The following ADCY8 variants were observed in gnomAD, a reference collection of about 807,000 sequenced individuals.
The protein encoded by ADCY8 is adenylate cyclase type 8.
A neutral mutation model predicts 119.7 loss-of-function variants in ADCY8; 51 were observed. The ratio of observed to expected loss-of-function variants is 0.43; its 90% CI spans 0.34 to 0.54. The LOEUF is 0.54. Among genes scored for constraint, ADCY8 ranks in the 20% least tolerant of loss-of-function variants. ADCY8 has a pLI of 0.03. For missense variants in ADCY8, 1,383 were observed against 1,598.8 expected (o/e 0.87, Z 2.30); for synonymous variants, 665 against 651.0 (o/e 1.02, Z -0.33).
At chr8:130,988,639 A>G (rs1017799466) in intron 2 of ADCY8, among the ~76,000 whole-genome samples, 4 of 152,182 alleles carry the variant, frequency 2.6e-5, no homozygotes, top group Admixed American at 2.6e-4. Flanking sequence ...TCTTTTCACT[A>G]AATTCTAGTT....
At chr8:130,999,624 T>C (rs568420471) in intron 1 of ADCY8, among the ~76,000 whole-genome samples, 1 of 152,282 alleles carries the variant, frequency 6.6e-6, no homozygotes, top group South Asian at 2.1e-4. Flanking sequence ...CATAGCACAC[T>C]TTGTACAAGG....
intron 8 of ADCY8, among the ~76,000 whole-genome samples, chr8:130,870,018 C>CCT (rs1554610130): frequency 2.2e-4 from 25 of 115,870 alleles, no homozygotes; most frequent in South Asian, 1.5e-3. Flanking sequence ...CTTTCTTCTT[C>CCT]TTTTTTTTTT....
At chr8:130,849,368 C>T (rs1487520541) in intron 10 of ADCY8, among the ~76,000 whole-genome samples, 1 of 152,120 alleles carries the variant, frequency 6.6e-6, no homozygotes, top group African/African-American at 2.4e-5. Context: ...GCTTTTGGAA[C>T]TCCTTTGGAG....
At chr8:130,822,585 TCCATCCATC>T (rs1327906034) in intron 12 of ADCY8, among the ~76,000 whole-genome samples, 4 of 151,424 alleles carry the variant, frequency 2.6e-5, no homozygotes, top group Non-Finnish European at 4.4e-5. Context: ...CATCCATCCA[TCCATCCATC>T]CTTCCAGCCA....
chr8:130,898,305 G>A (rs372282196), intron 7 of ADCY8, among the ~76,000 whole-genome samples: 4 of 132,680 alleles, frequency 3.0e-5, no homozygotes, highest in Admixed American at 7.4e-5. Context: ...CACCACTCCC[G>A]ACATGCTACC....
chr8:131,021,806 C>T (rs1263748187), intron 1 of ADCY8, among the ~76,000 whole-genome samples: 1 of 152,198 alleles, frequency 6.6e-6, no homozygotes, highest in Non-Finnish European at 1.5e-5. Flanking sequence ...CGATGCTGAA[C>T]TGTGAGTCAA....
Position 130,990,488 on chromosome 8 carries a change from T to C in ADCY8, c.1015A>G (p.Ser339Gly), listed in dbSNP as rs1166509728. The change falls in exon 2 of 18, where the codon AGT becomes GGT. Residue 339 changes from serine (S) to glycine (G), a missense_variant. By Grantham distance (56) the Ser-to-Gly change is moderately conservative. Transcript: ENST00000286355. ...CGCTGGGCCCGGTCTGACAGGTAACTGATGAAGATTCCAGCTGTGTTCATA... is the reference window on the plus strand; with the variant it reads ...CGCTGGGCCCGGTCTGACAGGTAACCGATGAAGATTCCAGCTGTGTTCATA... ...MCMNTAGIFISYLSDRAQRQA... is the reference protein window; with the variant it reads ...MCMNTAGIFIGYLSDRAQRQA... The C allele has an allele frequency of 1.2e-6, 2 of 1,614,078 alleles. No individual in the cohort carries two copies. Among genetic ancestry groups the C allele is most frequent in the South Asian group, 1.1e-5 (1 of 91,088 alleles).
intron 12 of ADCY8, among the ~76,000 whole-genome samples, chr8:130,830,824 C>G (rs1816812527): frequency 6.6e-6 from 1 of 152,202 alleles, no homozygotes; most frequent in Admixed American, 6.5e-5. Flanking sequence ...TAAAAACATG[C>G]CCACTGATGA....
At chr8:130,803,037 C>T (rs192218617) in intron 14 of ADCY8, among the ~76,000 whole-genome samples, 2 of 152,332 alleles carry the variant, frequency 1.3e-5, no homozygotes, top group African/African-American at 4.8e-5. Context: ...TTTCATTTTC[C>T]AAGCTACTTG....
chr8:131,038,409 C>T (rs1442992551), intron 1 of ADCY8, among the ~76,000 whole-genome samples: 4 of 152,204 alleles, frequency 2.6e-5, no homozygotes, highest in African/African-American at 9.6e-5. Flanking sequence ...TGAGAAACCC[C>T]CAAAGTCACT....
In ADCY8 at chr8:130,983,044, C is replaced by T. The variant is rs139086505; in HGVS notation, c.1110+7349G>A. ...TATATGCAGAGTGGGAGTGGAACAT[C>T]TCATCCTAATGGAGCAATAGTGGCA... is the stretch of plus-strand genomic sequence containing the variant. On this transcript the variant is annotated intron_variant, in intron 2 of 17. Coordinates refer to ENST00000286355, the MANE Select transcript of ADCY8 (RefSeq NM_001115.3). Among the ~76,000 whole-genome samples, 400 of 152,292 alleles carry T rather than the reference C, an allele frequency of 2.6e-3. 2 individuals are homozygous for T. Among genetic ancestry groups the T allele is most frequent in the Non-Finnish European group, 4.4e-3 (299 of 68,032 alleles).
chr8:130,881,486 C>G (rs1818768970), intron 8 of ADCY8, among the ~76,000 whole-genome samples: 1 of 152,084 alleles, frequency 6.6e-6, no homozygotes, highest in African/African-American at 2.4e-5. Context: ...CGGAATAAAG[C>G]CTTTCCTTTC....
At chr8:130,825,291 C>T (rs992623838) in intron 12 of ADCY8, among the ~76,000 whole-genome samples, 1 of 152,172 alleles carries the variant, frequency 6.6e-6, no homozygotes, top group African/African-American at 2.4e-5. Context: ...ACATACTCCT[C>T]TTATCTAGTT....
chr8:130,987,755 A>G (rs1382054408), intron 2 of ADCY8, among the ~76,000 whole-genome samples: 2 of 152,212 alleles, frequency 1.3e-5, no homozygotes, highest in Non-Finnish European at 2.9e-5. Context: ...TGTCAATGAC[A>G]CATGATATTT....
Position 130,947,042 on chromosome 8 carries a change from C to A in ADCY8, c.1242-3580G>T, listed in dbSNP as rs142142569. Among the ~76,000 whole-genome samples the A allele has an allele frequency of 1.4e-3, 214 of 152,286 alleles. 1 individual carries two copies. The highest frequency in any genetic ancestry group is 4.8e-3 in the African/African-American group (198 of 41,574). On this transcript the variant is annotated intron_variant, in intron 3 of 17. Coordinates refer to ENST00000286355, the MANE Select transcript of ADCY8 (RefSeq NM_001115.3). ...GCTCAGATCATCAAGTCTTTTGATT[C>A]TTGGCATAATTTGTAGCTTTCCAGG...
chr8:130,893,162 C>T (rs142941017), intron 7 of ADCY8, among the ~76,000 whole-genome samples: 2 of 152,156 alleles, frequency 1.3e-5, no homozygotes, highest in Admixed American at 1.3e-4. Flanking sequence ...TAGATCCGAC[C>T]ACTTTGACGC....
chr8:131,026,805 GA>G (rs1214332140), intron 1 of ADCY8, among the ~76,000 whole-genome samples: 2 of 152,188 alleles, frequency 1.3e-5, no homozygotes, highest in African/African-American at 4.8e-5. Flanking sequence ...AAAATCAAAT[GA>G]AATGTATTAC....
chr8:130,957,086 T>A (rs936218503), intron 2 of ADCY8, among the ~76,000 whole-genome samples: 1 of 151,950 alleles, frequency 6.6e-6, no homozygotes, highest in Non-Finnish European at 1.5e-5. Flanking sequence ...CAGGCAGAGG[T>A]TGGAACAGTC....
At chr8:130,997,502 C>G (rs536809886) in intron 1 of ADCY8, among the ~76,000 whole-genome samples, 1 of 152,052 alleles carries the variant, frequency 6.6e-6, no homozygotes, top group Non-Finnish European at 1.5e-5. Context: ...GTCTGAGAAG[C>G]AGAGCAGGAT....
Sources: allele counts gnomAD v4.1 joint callset (sites outside exome capture counted in the v4.1 genomes callset), GRCh38; gene constraint gnomAD v4.1.1; transcripts MANE v1.5; gene names NCBI Gene and HGNC (gene_info 2026-07-23, HGNC 2026-07-21).